The following ACRBP variants were observed in gnomAD, a reference collection of about 807,000 sequenced individuals.
ACRBP encodes the protein acrosin-binding protein.
ACRBP carries 52 observed loss-of-function variants against 69.0 expected under a neutral mutation model. The ratio of observed to expected loss-of-function variants is 0.75; its 90% CI spans 0.60 to 0.95. ACRBP has a LOEUF of 0.95. Ranked by LOEUF, ACRBP falls within the 40% of genes least tolerant of loss-of-function variation. ACRBP has a pLI of 0.00. For missense variants in ACRBP, 604 were observed against 673.0 expected (o/e 0.90, Z 1.13); for synonymous variants, 267 against 258.9 (o/e 1.03, Z -0.30).
intron 6 of ACRBP, 71 bp downstream of exon 6, chr12:6,643,468 T>C (rs903197398): frequency 3.8e-6 from 6 of 1,574,836 alleles, no homozygotes; most frequent in East Asian, 4.5e-5. Flanking sequence ...TCCACTCCCA[T>C]AGCCTAGCAC....
chr12:6,638,085 C>T lies in ACRBP; in HGVS notation c.*197G>A, dbSNP rs138674706. 1.6e-5 allele frequency: 11 copies of T among 686,504 alleles called. No homozygotes were observed. Among genetic ancestry groups the T allele is most frequent in the African/African-American group, 9.0e-5 (5 of 55,342 alleles). 42.5% of individuals were successfully genotyped at this position (686,504 alleles called of 1,614,324 possible). On this transcript the variant is annotated 3_prime_UTR_variant, in exon 10 of 10. Coordinates refer to ENST00000229243, the MANE Select transcript of ACRBP (RefSeq NM_032489.3). ...ACAGGCCACACAGGCTGAAGATCAA[C>T]ATTTTATGTAAAGTCATCTTTTAAG...
chr12:6,640,354 T>C lies in ACRBP; in HGVS notation c.1246A>G (p.Ile416Val), dbSNP rs760865391. The change falls in exon 7 of 10, where the codon ATC (isoleucine) becomes GTC (valine). Residue 416 changes from isoleucine to valine, a missense_variant. By Grantham distance (29) the Ile-to-Val change is conservative. This residue lies in a region of ACRBP where 532 missense variants were observed against 562.9 expected (regional missense o/e 0.95). Transcript: ENST00000229243. This position sits in a 1 kb window ranked among gnomAD's most constrained non-coding sequence, Gnocchi z 5.3. ...SPLLASQSLS[I>V]GNQVGSPESG... The stretch of plus-strand genomic sequence containing the variant: ...GCCGGGCTAGATACCTGGTTGCCGA[T>C]GGACAGGCTCTGGGAGGCAAGCAAG... 18 of 1,614,112 alleles carry C rather than the reference T, an allele frequency of 1.1e-5. No homozygotes were observed. Among genetic ancestry groups the C allele is most frequent in the South Asian group, 2.2e-5 (2 of 91,074 alleles).
At chr12:6,643,111 C>T (rs371303005) in intron 6 of ACRBP, among the ~76,000 whole-genome samples, 2 of 152,184 alleles carry the variant, frequency 1.3e-5, no homozygotes. Flanking sequence ...AAAATTTAGC[C>T]AGGCATGGTG....
At chr12:6,638,438 A>G (rs1047813159) in intron 9 of ACRBP, 34 bp from the exon 10 acceptor site, 1 of 1,613,220 alleles carries the variant, frequency 6.2e-7, no homozygotes, top group African/African-American at 1.3e-5. Context: ...GGTCTGTATC[A>G]CAGAGCCAGG....
Position 6,646,459 on chromosome 12 carries a change from T to A in ACRBP, c.357+24A>T, listed in dbSNP as rs750747057. The stretch of plus-strand genomic sequence containing the variant: ...TCTCCCTTGGCCCTGGGGCACCAAA[T>A]CCAACCTTTGTCCTGGGCCTCACCT... On this transcript the variant is annotated intron_variant, in intron 3 of 9. Coordinates refer to ENST00000229243, the MANE Select transcript of ACRBP (RefSeq NM_032489.3). The A allele has an allele frequency of 7.3e-5, 118 of 1,610,594 alleles. No individual in the cohort carries two copies. In the Admixed American group the frequency reaches 1.9e-3, roughly 26 times the overall value.
rs1158904878 is a variant in ACRBP, at chr12:6,640,375, G to C, written c.1225C>G (p.Leu409Val). Reference sequence around the variant, plus strand: ...CCGATGGACAGGCTCTGGGAGGCAAGCAAGGGGCTGACAAAGGGAGTCTTG... The same window carrying C: ...CCGATGGACAGGCTCTGGGAGGCAACCAAGGGGCTGACAAAGGGAGTCTTG... ...SHKTPFVSPL[L>V]ASQSLSIGNQ... is the part of the protein sequence containing the mutation. Residue 409 changes from leucine to valine, a missense_variant, in exon 7 of 10, where the codon CTT becomes GTT. Transcript: ENST00000229243. The surrounding 1 kb of genome is among the most constrained non-coding windows in gnomAD (Gnocchi z 5.3). The C allele has an allele frequency of 1.2e-6, 2 of 1,614,136 alleles. No homozygotes were observed. The highest frequency in any genetic ancestry group is 1.7e-6 in the Non-Finnish European group (2 of 1,180,012).
chr12:6,647,176 G>A (rs1307602085), intron 1 of ACRBP, 148 bp downstream of exon 1: 4 of 1,108,864 alleles, frequency 3.6e-6, no homozygotes, highest in Non-Finnish European at 5.2e-6. Flanking sequence ...GGCCGCGGGC[G>A]GGGGGAGATG....
In ACRBP at chr12:6,647,022, G is replaced by A. The variant is rs779984135; in HGVS notation, c.44-10C>T. On this transcript the variant is annotated splice_polypyrimidine_tract_variant and intron_variant, in intron 1 of 9. Transcript: ENST00000229243. ...AGAGGCAGGAGCAGCACTGCGGAGC[G>A]GGCGAACGGATGATGGAAGGACCGA... 7.5e-6 allele frequency: 12 copies of A among 1,605,850 alleles called. No individual in the cohort carries two copies. The Admixed American group carries it at 1.3e-4, about 18-fold the overall frequency.
At chr12:6,638,927 AAGG>A (rs779662434) in intron 9 of ACRBP, 24 bp downstream of exon 9, 62 of 1,610,524 alleles carry the variant, frequency 3.8e-5, no homozygotes, top group Non-Finnish European at 5.3e-5. Flanking sequence ...GTGCTGGGAG[AAGG>A]AGGGGCAGGG....
In ACRBP at chr12:6,643,659, C is replaced by T. The variant is rs903251949; in HGVS notation, c.957G>A (p.Leu319=). Residue 319 remains leucine, a synonymous_variant, in exon 6 of 10, where the codon CTG becomes CTA. Coordinates refer to ENST00000229243, the MANE Select transcript of ACRBP (RefSeq NM_032489.3). ...GCACCAGCAAGGCCTCTGTGTGGGG[C>T]AGCTGCAGGAGGCTGCAAGAAGACA... ...RNQNPGSLLQ[L]PHTEALLVLC... is the part of the protein sequence containing the mutation. 1 of 1,614,006 alleles carries T rather than the reference C, an allele frequency of 6.2e-7. No individual in the cohort carries two copies. The highest frequency in any genetic ancestry group is 1.3e-5 in the African/African-American group (1 of 74,952).
rs1307396154 is a variant in ACRBP, at chr12:6,647,342, G to A, written c.25C>T (p.Leu9Phe). ...CTCTCACCCTTCAGGAGTGAGGGAA[G>A]GAAGCCAGCGGCTGGCTTCCTCATG... MRKPAAGF[L>F]PSLLKVLLLP... is the part of the protein sequence containing the mutation. The change falls in exon 1 of 10, where the codon CTT becomes TTT. Residue 9 changes from leucine (L) to phenylalanine (F), a missense_variant. Physicochemically the swap from Leu to Phe is conservative, Grantham distance 22. Around this residue, in one of 3 missense-constraint regions of ACRBP, gnomAD observed 532 missense variants for 562.9 expected, o/e 0.95. Coordinates refer to ENST00000229243, the MANE Select transcript of ACRBP (RefSeq NM_032489.3). The A allele has an allele frequency of 3.2e-6, 5 of 1,546,482 alleles. No individual in the cohort carries two copies. The highest frequency in any genetic ancestry group is 4.4e-6 in the Non-Finnish European group (5 of 1,145,808).
At position 6,640,321 on chromosome 12, in the gene ACRBP, T is replaced by C. The variant is rs745505796; in HGVS notation, c.1257+22A>G. ...TGCCACCCAGTTCTGCCTTTCCCAC[T>C]GCGGGCTGCCGGGCTAGATACCTGG... On this transcript the variant is annotated intron_variant, in intron 7 of 9. Coordinates refer to ENST00000229243, the MANE Select transcript of ACRBP (RefSeq NM_032489.3). This position sits in a 1 kb window ranked among gnomAD's most constrained non-coding sequence, Gnocchi z 5.3. The C allele has an allele frequency of 1.2e-5, 18 of 1,493,956 alleles. No individual in the cohort carries two copies. The highest frequency in any genetic ancestry group is 1.6e-5 in the Non-Finnish European group (18 of 1,103,392). 92.5% of individuals were successfully genotyped at this position (1,493,956 alleles called of 1,614,324 possible).
In ACRBP at chr12:6,644,400, T is replaced by G; in HGVS notation, c.681A>C (p.Glu227Asp). The G allele has an allele frequency of 6.2e-7, 1 of 1,614,048 alleles. No homozygotes were observed. The highest frequency in any genetic ancestry group is 1.1e-5 in the South Asian group (1 of 91,076). The change falls in exon 5 of 10, where the codon GAA becomes GAC. Residue 227 changes from glutamate to aspartate, a missense_variant. Transcript: ENST00000229243. ...GTCCTTCTTCCTGCTTTCCCTCCTCTTCCTGTTCCTCTTCTTGCTCTTCCT... is the reference window on the plus strand; with the variant it reads ...GTCCTTCTTCCTGCTTTCCCTCCTCGTCCTGTTCCTCTTCTTGCTCTTCCT... ...QKQEEQEEEQEEEGKQEEGQG... is the reference protein window; with the variant it reads ...QKQEEQEEEQDEEGKQEEGQG...
chr12:6,644,534 A>G lies in ACRBP; in HGVS notation c.547T>C (p.Ser183Pro), dbSNP rs777589762. The change falls in exon 5 of 10, where the codon TCC becomes CCC. Residue 183 changes from serine to proline, a missense_variant. By Grantham distance (74) the Ser-to-Pro change is moderately conservative. This residue lies in a region of ACRBP where 532 missense variants were observed against 562.9 expected (regional missense o/e 0.95). Transcript: ENST00000229243. ...SNNVEELLQS[S>P]LSLGGQEQAP... is the part of the protein sequence containing the mutation. ...TGCTCCTGGCCTCCCAGGGACAAGG[A>G]GGATTGTAGGAGCTCTTCCACGTTG... The G allele has an allele frequency of 1.9e-6, 3 of 1,613,888 alleles. No homozygotes were observed. In the South Asian group the frequency reaches 3.3e-5, roughly 18 times the overall value.
intron 6 of ACRBP, among the ~76,000 whole-genome samples, chr12:6,643,238 A>G (rs1280270277): frequency 2.0e-5 from 3 of 152,114 alleles, no homozygotes; most frequent in African/African-American, 7.2e-5. Flanking sequence ...AGCCTGAGTA[A>G]TAGAGTAAGA....
intron 5 of ACRBP, 121 bp downstream of exon 5, chr12:6,644,016 T>C: frequency 6.8e-7 from 1 of 1,480,600 alleles, no homozygotes; most frequent in South Asian, 1.4e-5. Context: ...TTGCTAGCTG[T>C]GCCTGAAGTC....
At chr12:6,645,516 T>G (rs181616785) in intron 3 of ACRBP, among the ~76,000 whole-genome samples, 179 bp from the exon 4 acceptor site, 1 of 152,270 alleles carries the variant, frequency 6.6e-6, no homozygotes, top group East Asian at 1.9e-4. Context: ...AAGATGAATC[T>G]CTGTTTGTCT....
rs1357499513 is a variant in ACRBP, at chr12:6,640,400, G to C, written c.1200C>G (p.His400Gln). 6.2e-7 allele frequency: 1 copy of C among 1,614,078 alleles called. No individual in the cohort carries two copies. Among genetic ancestry groups the C allele is most frequent in the African/African-American group, 1.3e-5 (1 of 74,926 alleles). Residue 400 changes from histidine to glutamine, a missense_variant, in exon 7 of 10, where the codon CAC becomes CAG. His to Gln is a conservative substitution (Grantham distance 24, BLOSUM62 0). This residue lies in a region of ACRBP where 532 missense variants were observed against 562.9 expected (regional missense o/e 0.95). Transcript: ENST00000229243. This position sits in a 1 kb window ranked among gnomAD's most constrained non-coding sequence, Gnocchi z 5.3. Reference protein sequence around the residue: ...SLQRQQCDTSHKTPFVSPLLA... With the variant: ...SLQRQQCDTSQKTPFVSPLLA... Reference sequence around the variant, plus strand: ...GCAAGGGGCTGACAAAGGGAGTCTTGTGGGAGGTGTCGCATTGTTGCCGCT... The same window carrying C: ...GCAAGGGGCTGACAAAGGGAGTCTTCTGGGAGGTGTCGCATTGTTGCCGCT...
chr12:6,638,131 G>A lies in ACRBP; in HGVS notation c.*151C>T, dbSNP rs938046181. 9.4e-7 allele frequency: 1 copy of A among 1,065,648 alleles called. No homozygotes were observed. The highest frequency in any genetic ancestry group is 1.4e-6 in the Non-Finnish European group (1 of 734,800). The allele number at this position is 1,065,648 out of a possible 1,614,324, so 66.0% of individuals were successfully genotyped here. On this transcript the variant is annotated 3_prime_UTR_variant, in exon 10 of 10. Coordinates refer to ENST00000229243, the MANE Select transcript of ACRBP (RefSeq NM_032489.3). ...TTAAGGAGGGCGCAGCTCCCACCGT[G>A]GCCCTCTCTGGGACTGTTGCTCCAA...
Sources: gnomAD v4.1 joint callset for allele counts (sites outside exome capture counted in the v4.1 genomes callset) on GRCh38, gnomAD v4.1.1 for gene constraint, gnomAD v4.1.1 regional missense constraint, Gnocchi (gnomAD v3.1) non-coding constraint, MANE v1.5 for transcripts, NCBI Gene and HGNC (gene_info 2026-07-23, HGNC 2026-07-21) for gene names.